NPW: variants seen among roughly 807,000 people sequenced by gnomAD.
NPW encodes the protein prepro-neuropeptide W.
In NPW, 8 loss-of-function variants were observed where a neutral mutation model predicts 9.9. The observed-to-expected ratio is 0.81, with a 90% CI of 0.47 to 1.46. The LOEUF (loss-of-function observed/expected upper bound fraction) is 1.46. Among genes scored for constraint, NPW ranks in the 40% most tolerant of loss-of-function variants. NPW has a pLI of 0.00. For synonymous variants in NPW, 134 were observed against 119.9 expected (o/e 1.12, Z -0.77); for missense variants, 287 against 240.3 (o/e 1.19, Z -1.28).
intron 1 of NPW, 96 bp downstream of exon 1, chr16:2,020,408 G>A: frequency 1.6e-6 from 2 of 1,289,184 alleles, no homozygotes; most frequent in Non-Finnish European, 2.1e-6. Flanking sequence ...GGGCACCCTC[G>A]GGCCCTTCCA....
In NPW at chr16:2,019,934, C is replaced by A. The variant is rs1334581759; in HGVS notation, c.33C>A (p.Pro11=). Residue 11 remains proline, a synonymous_variant, in exon 1 of 2, where the codon CCC becomes CCA. Coordinates refer to ENST00000566435, the MANE Select transcript of NPW (RefSeq NM_001099456.3). ...GGCGCCCAGGGGAGCGGGGGGCTCCCGCGAGCCGGCCGCGGCTGGCACTGC... is the reference window on the plus strand; with the variant it reads ...GGCGCCCAGGGGAGCGGGGGGCTCCAGCGAGCCGGCCGCGGCTGGCACTGC... 2 of 1,337,186 alleles carry A rather than the reference C, an allele frequency of 1.5e-6. No homozygotes were observed. The highest frequency in any genetic ancestry group is 1.9e-5 in the South Asian group (1 of 52,202). The allele number at this position is 1,337,186 out of a possible 1,614,324, so 82.8% of individuals were successfully genotyped here. A position where few individuals can be genotyped will look rare whatever the true frequency, so the allele number is the denominator to read the frequency against.
chr16:2,020,328 G>T lies in NPW; in HGVS notation c.411+16G>T. 7.2e-7 allele frequency: 1 copy of T among 1,386,940 alleles called. No individual in the cohort carries two copies. The highest frequency in any genetic ancestry group is 2.2e-5 in the Admixed American group (1 of 44,560). The allele number at this position is 1,386,940 out of a possible 1,614,324, so 85.9% of individuals were successfully genotyped here. On this transcript the variant is annotated intron_variant, in intron 1 of 1. Coordinates refer to ENST00000566435, the MANE Select transcript of NPW (RefSeq NM_001099456.3). ...AGCTGGCCAGGTACGTGAGAGGGGA[G>T]AGGCCTGGACCGCCGCGGGCAAGGG...
chr16:2,020,354 G>T (rs2083831308), intron 1 of NPW, 42 bp downstream of exon 1: 6 of 1,425,010 alleles, frequency 4.2e-6, no homozygotes, highest in Non-Finnish European at 4.7e-6. Flanking sequence ...CGGGCAAGGG[G>T]GTCTCGGGAG....
chr16:2,019,802 CT>C lies in NPW; in HGVS notation c.-99del, dbSNP rs2083825152. ...GGACCCACGGCTCGCCTCCAGCCTCCTGCGCTCCGGTACCTGGGCGTCCCAA... is the reference window on the plus strand; with the variant it reads ...GGACCCACGGCTCGCCTCCAGCCTCCGCGCTCCGGTACCTGGGCGTCCCAA... On this transcript the variant is annotated 5_prime_UTR_variant, in exon 1 of 2. Coordinates refer to ENST00000566435, the MANE Select transcript of NPW (RefSeq NM_001099456.3). 8.4e-7 allele frequency: 1 copy of C among 1,193,838 alleles called. No individual in the cohort carries two copies. Among genetic ancestry groups the C allele is most frequent in the Admixed American group, 4.5e-5 (1 of 22,340 alleles). 74.0% of individuals were successfully genotyped at this position (1,193,838 alleles called of 1,614,324 possible).
At position 2,020,297 on chromosome 16, in the gene NPW, C is replaced by T. The variant is rs953540654; in HGVS notation, c.396C>T (p.Phe132=). 2 of 1,515,956 alleles carry T rather than the reference C, an allele frequency of 1.3e-6. No homozygotes were observed. Among genetic ancestry groups the T allele is most frequent in the Non-Finnish European group, 1.8e-6 (2 of 1,130,026 alleles). 93.9% of individuals were successfully genotyped at this position (1,515,956 alleles called of 1,614,324 possible). The change falls in exon 1 of 2, where the codon TTC becomes TTT. Residue 132 remains phenylalanine (F), a synonymous_variant. Coordinates refer to ENST00000566435, the MANE Select transcript of NPW (RefSeq NM_001099456.3). ...CGCTGGAACCGGAGTCCCTGGACTT[C>T]AGCGGAGCTGGCCAGGTACGTGAGA...
intron 1 of NPW, 110 bp downstream of exon 1, chr16:2,020,422 C>G: frequency 7.7e-7 from 1 of 1,293,890 alleles, no homozygotes; most frequent in Non-Finnish European, 1.1e-6. Flanking sequence ...CCTTCCATTC[C>G]CTGCTCCGCG....
intron 1 of NPW, 95 bp downstream of exon 1, chr16:2,020,407 C>T: frequency 7.8e-7 from 1 of 1,284,536 alleles, no homozygotes; most frequent in Non-Finnish European, 1.1e-6. Context: ...GGGGCACCCT[C>T]GGGCCCTTCC....
Position 2,019,863 on chromosome 16 carries a change from C to T in NPW, c.-39C>T, listed in dbSNP as rs902222179. 5 of 1,210,036 alleles carry T rather than the reference C, an allele frequency of 4.1e-6. No homozygotes were observed. Among genetic ancestry groups the T allele is most frequent in the African/African-American group, 3.2e-5 (2 of 63,206 alleles). 75.0% of individuals were successfully genotyped at this position (1,210,036 alleles called of 1,614,324 possible). ...GCGCCCAAACCCAGCCGAGCCGGTT[C>T]GTGGCCCGCCCCGCCGGGCGGCCGT... On this transcript the variant is annotated 5_prime_UTR_variant, in exon 1 of 2. Coordinates refer to ENST00000566435, the MANE Select transcript of NPW (RefSeq NM_001099456.3).
rs770809109 is a variant in NPW, at chr16:2,020,632, C to G, written c.*13C>G. ...CGGACCGTTCTGACAGCGTCCCCCG[C>G]CCGCCCGTGGCGCCTCCGCGCCTGA... On this transcript the variant is annotated 3_prime_UTR_variant, in exon 2 of 2. Transcript: ENST00000566435. 6.4e-7 allele frequency: 1 copy of G among 1,556,454 alleles called. No individual in the cohort carries two copies. The highest frequency in any genetic ancestry group is 8.8e-7 in the Non-Finnish European group (1 of 1,136,902).
In NPW at chr16:2,020,155, G is replaced by A; in HGVS notation, c.254G>A (p.Arg85His). ...ACCCTCTCCCCCGAACCCGCAGCCCGCGAGGCTCCTCTCCTGCTGCCCTCG... is the reference window on the plus strand; with the variant it reads ...ACCCTCTCCCCCGAACCCGCAGCCCACGAGGCTCCTCTCCTGCTGCCCTCG... The change falls in exon 1 of 2, where the codon CGC (arginine) becomes CAC (histidine). Residue 85 changes from arginine to histidine, a missense_variant. By Grantham distance (29) the Arg-to-His change is conservative. Transcript: ENST00000566435. 11 of 1,577,248 alleles carry A rather than the reference G, an allele frequency of 7.0e-6. No homozygotes were observed. Among genetic ancestry groups the A allele is most frequent in the South Asian group, 1.1e-5 (1 of 88,720 alleles).
At position 2,020,326 on chromosome 16, in the gene NPW, G is replaced by A. The variant is rs1251392002; in HGVS notation, c.411+14G>A. ...GGAGCTGGCCAGGTACGTGAGAGGG[G>A]AGAGGCCTGGACCGCCGCGGGCAAG... On this transcript the variant is annotated intron_variant, in intron 1 of 1. Coordinates refer to ENST00000566435, the MANE Select transcript of NPW (RefSeq NM_001099456.3). 4.7e-6 allele frequency: 7 copies of A among 1,480,210 alleles called. No individual in the cohort carries two copies. Among genetic ancestry groups the A allele is most frequent in the East Asian group, 5.1e-5 (2 of 39,138 alleles). 91.7% of individuals were successfully genotyped at this position (1,480,210 alleles called of 1,614,324 possible).
At chr16:2,020,487 G>A in intron 1 of NPW, 46 bp from the exon 2 acceptor site, 2 of 1,434,358 alleles carry the variant, frequency 1.4e-6, no homozygotes, top group African/African-American at 2.9e-5. Flanking sequence ...GGCGGTGGTT[G>A]GAGGGCCACA....
Position 2,020,601 on chromosome 16 carries a change from GGC to G in NPW, c.481_482del (p.Ala161ProfsTer18), listed in dbSNP as rs2083833295. On this transcript the variant is annotated frameshift_variant, in exon 2 of 2. Coordinates refer to ENST00000566435, the MANE Select transcript of NPW (RefSeq NM_001099456.3). LOFTEE classifies it high-confidence loss of function. Reference sequence around the variant, plus strand: ...CAAACCGCCTTGGCCTGCCCTGCCTGGCCCCCGGACCGTTCTGACAGCGTCCC... The same window carrying G: ...CAAACCGCCTTGGCCTGCCCTGCCTGCCCCGGACCGTTCTGACAGCGTCCC... 2 of 1,604,432 alleles carry G rather than the reference GGC, an allele frequency of 1.2e-6. No homozygotes were observed. Among genetic ancestry groups the G allele is most frequent in the Admixed American group, 1.7e-5 (1 of 59,710 alleles).
Position 2,019,850 on chromosome 16 carries a change from A to C in NPW, c.-52A>C. The C allele has an allele frequency of 8.3e-7, 1 of 1,206,166 alleles. No individual in the cohort carries two copies. Among genetic ancestry groups the C allele is most frequent in the Non-Finnish European group, 1.0e-6 (1 of 972,672 alleles). The allele number at this position is 1,206,166 out of a possible 1,614,324, so 74.7% of individuals were successfully genotyped here. ...CCAACTCCACTGCGCGCCCAAACCC[A>C]GCCGAGCCGGTTCGTGGCCCGCCCC... On this transcript the variant is annotated 5_prime_UTR_variant, in exon 1 of 2. Transcript: ENST00000566435.
At position 2,020,754 on chromosome 16, in the gene NPW, G is replaced by T; in HGVS notation, c.*135G>T. ...GCCTGACTCCTGCGCCCCCGCATGC[G>T]ACCCCTTCGTCTGCTTGTGTACTTT... On this transcript the variant is annotated 3_prime_UTR_variant, in exon 2 of 2. Transcript: ENST00000566435. The T allele has an allele frequency of 1.7e-6, 1 of 584,960 alleles. No homozygotes were observed. The highest frequency in any genetic ancestry group is 3.1e-5 in the East Asian group (1 of 32,322). The allele number at this position is 584,960 out of a possible 1,614,324, so 36.2% of individuals were successfully genotyped here. A position where few individuals can be genotyped will look rare whatever the true frequency, so the allele number is the denominator to read the frequency against.
In NPW at chr16:2,020,618, G is replaced by C. The variant is rs2083833511; in HGVS notation, c.497G>C (p.Ter166SerextTer?). Residue 166 changes from the stop codon to serine, a stop_lost, in exon 2 of 2, where the codon TGA becomes TCA. Coordinates refer to ENST00000566435, the MANE Select transcript of NPW (RefSeq NM_001099456.3). ...CCCTGCCTGGCCCCCGGACCGTTCT[G>C]ACAGCGTCCCCCGCCCGCCCGTGGC... 6.3e-7 allele frequency: 1 copy of C among 1,582,498 alleles called. No homozygotes were observed. Among genetic ancestry groups the C allele is most frequent in the Non-Finnish European group, 8.6e-7 (1 of 1,158,588 alleles).
At chr16:2,020,365 G>T (rs1009069910) in intron 1 of NPW, 53 bp downstream of exon 1, 2 of 1,415,478 alleles carry the variant, frequency 1.4e-6, no homozygotes, top group Admixed American at 4.8e-5. Context: ...GTCTCGGGAG[G>T]TCTGAGCCGG....
rs1360936883 is a variant in NPW at position 2,020,332 on chromosome 16, C to A, written c.411+20C>A. The stretch of plus-strand genomic sequence containing the variant: ...GGCCAGGTACGTGAGAGGGGAGAGG[C>A]CTGGACCGCCGCGGGCAAGGGGGTC... On this transcript the variant is annotated intron_variant, in intron 1 of 1. Coordinates refer to ENST00000566435, the MANE Select transcript of NPW (RefSeq NM_001099456.3). 4 of 1,461,420 alleles carry A rather than the reference C, an allele frequency of 2.7e-6. No individual in the cohort carries two copies. Among genetic ancestry groups the A allele is most frequent in the African/African-American group, 2.9e-5 (2 of 68,936 alleles). 90.5% of individuals were successfully genotyped at this position (1,461,420 alleles called of 1,614,324 possible).
At chr16:2,020,457 G>C in intron 1 of NPW, 76 bp from the exon 2 acceptor site, 1 of 1,349,638 alleles carries the variant, frequency 7.4e-7, no homozygotes, top group Non-Finnish European at 1.0e-6. Flanking sequence ...CCCTGGGCAG[G>C]CTCGACCCTG....
Sources: allele counts gnomAD v4.1 joint callset, GRCh38; gene constraint gnomAD v4.1.1; transcripts MANE v1.5; gene names NCBI Gene and HGNC (gene_info 2026-07-23, HGNC 2026-07-21).